SOX6: variants seen among roughly 807,000 people sequenced by gnomAD.
SOX6 encodes SRY-box transcription factor 6.
Under a neutral mutation model 97.8 loss-of-function variants are expected in SOX6, and 11 were observed. That is an observed-to-expected ratio of 0.11 (90% CI 0.07 to 0.19). The LOEUF (loss-of-function observed/expected upper bound fraction) is 0.19. SOX6 is among the 10% of genes least tolerant of loss of function. The pLI is 1.00. For synonymous variants in SOX6, 360 were observed against 371.4 expected (o/e 0.97, Z 0.35); for missense variants, 810 against 1,039.5 (o/e 0.78, Z 3.04).
At chr11:16,215,293 T>C (rs1459503092) in intron 4 of SOX6, among the ~76,000 whole-genome samples, 2 of 152,172 alleles carry the variant, frequency 1.3e-5, no homozygotes, top group Non-Finnish European at 1.5e-5. Context: ...CAGGGTGAGA[T>C]AAAGGCTATG....
intron 4 of SOX6, among the ~76,000 whole-genome samples, chr11:16,227,397 AT>A (rs1164219081): frequency 6.6e-6 from 1 of 151,854 alleles, no homozygotes; most frequent in African/African-American, 2.4e-5. Context: ...TAATTCATTG[AT>A]TCATTCGTTC....
At chr11:16,471,593 G>T (rs1177837232) in intron 1 of SOX6, among the ~76,000 whole-genome samples, 2 of 152,132 alleles carry the variant, frequency 1.3e-5, no homozygotes, top group Non-Finnish European at 2.9e-5. Context: ...GAACCCATTT[G>T]CCTGTTCTTA....
intron 2 of SOX6, among the ~76,000 whole-genome samples, chr11:16,728,752 G>C (rs1173277677): frequency 1.3e-5 from 2 of 152,176 alleles, no homozygotes; most frequent in Admixed American, 1.3e-4. Context: ...GACAGAAGTA[G>C]GTTTCAGAAG....
chr11:16,591,360 TA>T (rs997547909), intron 4 of SOX6, among the ~76,000 whole-genome samples: 1 of 150,706 alleles, frequency 6.6e-6, no homozygotes, highest in African/African-American at 2.5e-5. Flanking sequence ...GACAGATAGA[TA>T]GATAGATAGA....
chr11:16,529,130 T>C (rs1050631727), intron 4 of SOX6, among the ~76,000 whole-genome samples: 4 of 152,112 alleles, frequency 2.6e-5, no homozygotes, highest in Non-Finnish European at 4.4e-5. Flanking sequence ...TAACATACTA[T>C]AATAGCAATG....
At position 15,968,103 on chromosome 11, in the gene SOX6, A is replaced by C. The variant is rs1853193584; in HGVS notation, c.*4706T>G. 1 of 152,246 alleles carries C rather than the reference A, an allele frequency of 6.6e-6. No individual in the cohort carries two copies. Among genetic ancestry groups the C allele is most frequent in the Non-Finnish European group, 1.5e-5 (1 of 68,048 alleles). 9.4% of individuals were successfully genotyped at this position (152,246 alleles called of 1,614,324 possible). A position where few individuals can be genotyped will look rare whatever the true frequency, so the allele number is the denominator to read the frequency against. ...ACAGAACATCATTGGCAGGAATAAC[A>C]GACAGAAGTTGTTTATTAGGGAAGA... On this transcript the variant is annotated 3_prime_UTR_variant, in exon 16 of 16. Coordinates refer to ENST00000683767, the MANE Select transcript of SOX6 (RefSeq NM_001367873.1).
At chr11:16,737,753 G>T (rs1341779319) in intron 1 of SOX6, among the ~76,000 whole-genome samples, 2 of 152,110 alleles carry the variant, frequency 1.3e-5, no homozygotes, top group Non-Finnish European at 2.9e-5. Context: ...GATTGCTAAC[G>T]GGCATTGGGG....
Position 16,281,425 on chromosome 11 carries a change from A to G in SOX6, c.445+37021T>C, listed in dbSNP as rs146196587. ...GATATGAGTATTTTTCCCACAAGAT[A>G]GAGCAATCTTTACAAAGACACACAT... On this transcript the variant is annotated intron_variant, in intron 3 of 15. Transcript: ENST00000683767. Among the ~76,000 whole-genome samples the G allele has an allele frequency of 1.1e-4, 17 of 152,192 alleles. No individual in the cohort carries two copies. In the East Asian group the frequency reaches 3.3e-3, roughly 29 times the overall value.
rs1848427570 is a variant in SOX6 at position 16,613,564 on chromosome 11, G to A, written n.430-1304C>T. ...GGCTCGCGGCGTCCCAAACGGGTTC[G>A]GCCAAGGGTTTCCACCCCATCACCA... On this transcript the variant is annotated intron_variant and non_coding_transcript_variant, in intron 3 of 5. Coordinates refer to the SOX6 transcript ENST00000524520. This position sits in a 1 kb window ranked among gnomAD's most constrained non-coding sequence, Gnocchi z 4.6. Among the ~76,000 whole-genome samples, 1 of 152,010 alleles carries A rather than the reference G, an allele frequency of 6.6e-6. No individual in the cohort carries two copies. Among genetic ancestry groups the A allele is most frequent in the African/African-American group, 2.4e-5 (1 of 41,396 alleles).
chr11:16,405,026 G>T (rs751360359), intron 1 of SOX6, among the ~76,000 whole-genome samples: 1 of 151,928 alleles, frequency 6.6e-6, no homozygotes, highest in Non-Finnish European at 1.5e-5. Context: ...CTGTAATGAT[G>T]CATTTACTTA....
intron 4 of SOX6, among the ~76,000 whole-genome samples, chr11:16,220,623 G>T (rs1365277646): frequency 1.8e-5 from 2 of 114,120 alleles, no homozygotes; most frequent in Non-Finnish European, 3.9e-5. Flanking sequence ...GACAGTTCCA[G>T]GTCCCTATTG....
rs183777351 is a variant in SOX6 at position 16,362,446 on chromosome 11, T to C, written c.-4-21194A>G. ...ACATGGTACCACCATAGTTGTGTGA[T>C]AGACACTCAAAAAAGCCCCATGACT... is the stretch of plus-strand genomic sequence containing the variant. On this transcript the variant is annotated intron_variant, in intron 1 of 15. Transcript: ENST00000396356. 3.3e-5 allele frequency among the ~76,000 whole-genome samples: 5 copies of C among 152,212 alleles called. No individual in the cohort carries two copies. In the East Asian group the frequency reaches 9.7e-4, roughly 29 times the overall value.
chr11:16,177,621 ATCTCTCTC>A (rs71044087), intron 6 of SOX6, among the ~76,000 whole-genome samples: 19 of 145,654 alleles, frequency 1.3e-4, no homozygotes, highest in African/African-American at 4.3e-4. Context: ...GAATAAGATG[ATCTCTCTC>A]TCTCTCTCTC....
At chr11:16,550,758 A>C (rs1469194930) in intron 4 of SOX6, among the ~76,000 whole-genome samples, 1 of 152,188 alleles carries the variant, frequency 6.6e-6, no homozygotes, top group African/African-American at 2.4e-5. Context: ...TCTATACATT[A>C]AGTAAAATAA....
chr11:16,646,318 G>A (rs1849012938), intron 3 of SOX6: 1 of 152,130 alleles, frequency 6.6e-6, no homozygotes, highest in Admixed American at 6.5e-5. Context: ...AGGTAAGTGT[G>A]GGAAGGTGAG....
intron 3 of SOX6, among the ~76,000 whole-genome samples, chr11:16,630,377 T>G (rs2133995216): frequency 6.6e-6 from 1 of 152,340 alleles, no homozygotes; most frequent in East Asian, 1.9e-4. Context: ...AGTTGTTTCA[T>G]TTCCTTATAA....
In SOX6 at chr11:16,712,237, G is replaced by C. The variant is rs370974807; in HGVS notation, n.429+2593C>G. 3.9e-5 allele frequency among the ~76,000 whole-genome samples: 6 copies of C among 152,158 alleles called. No homozygotes were observed. The East Asian group carries it at 9.7e-4, about 24-fold the overall frequency. ...AGTGCAAGTATCTTTTTCATATAAT[G>C]GCTTCTTTCCCTCTGGGTAAATACC... is the stretch of plus-strand genomic sequence containing the variant. On this transcript the variant is annotated intron_variant and non_coding_transcript_variant, in intron 3 of 5. Transcript: ENST00000524520.
chr11:16,270,800 G>C (rs1854234097), intron 3 of SOX6, among the ~76,000 whole-genome samples: 1 of 151,324 alleles, frequency 6.6e-6, no homozygotes, highest in Admixed American at 6.6e-5. Context: ...ATTCTACCTA[G>C]TCATATCTAG....
chr11:16,315,711 T>A (rs879889538), intron 3 of SOX6: 8 of 152,202 alleles, frequency 5.3e-5, no homozygotes, highest in Non-Finnish European at 7.3e-5. Context: ...CTGTATTCTA[T>A]CCCCAGGAAG....
Sources: gnomAD v4.1 joint callset for allele counts (sites outside exome capture counted in the v4.1 genomes callset) on GRCh38, gnomAD v4.1.1 for gene constraint, Gnocchi (gnomAD v3.1) non-coding constraint, MANE v1.5 for transcripts, NCBI Gene and HGNC (gene_info 2026-07-23, HGNC 2026-07-21) for gene names.